Variants in BDKRB2 observed in about 807,000 individuals in gnomAD.
BDKRB2 encodes the protein B2 bradykinin receptor.
BDKRB2 carries 6 observed loss-of-function variants against 4.0 expected under a neutral mutation model. The observed-to-expected ratio is 1.49, with a 90% CI of 0.81 to 2.93. The LOEUF (loss-of-function observed/expected upper bound fraction) is 2.93. Among genes scored for constraint, BDKRB2 ranks in the 30% most tolerant of loss-of-function variants. BDKRB2 has a pLI of 0.00. For missense variants in BDKRB2, 478 were observed against 520.1 expected (o/e 0.92, Z 0.79); for synonymous variants, 225 against 215.3 (o/e 1.05, Z -0.40).
chr14:96,206,921 A>G (rs1890196261), intron 1 of BDKRB2, among the ~76,000 whole-genome samples: 1 of 152,052 alleles, frequency 6.6e-6, no homozygotes, highest in Non-Finnish European at 1.5e-5. Context: ...TCTGGTGAGG[A>G]CCTAGTCGTC....
intron 1 of BDKRB2, among the ~76,000 whole-genome samples, chr14:96,236,868 T>C (rs1024772899): frequency 7.2e-5 from 11 of 152,192 alleles, no homozygotes; most frequent in African/African-American, 2.7e-4. Context: ...AGTTATTAAG[T>C]GACTGAGCAA....
In BDKRB2 at chr14:96,243,344, G is replaced by A; in HGVS notation, c.*1840G>A. 6.8e-6 allele frequency: 1 copy of A among 147,852 alleles called. No individual in the cohort carries two copies. The highest frequency in any genetic ancestry group is 1.5e-5 in the Non-Finnish European group (1 of 67,196). 9.2% of individuals were successfully genotyped at this position (147,852 alleles called of 1,614,324 possible). On this transcript the variant is annotated 3_prime_UTR_variant, in exon 3 of 3. Coordinates refer to ENST00000554311, the MANE Select transcript of BDKRB2 (RefSeq NM_001379692.1). ...TAGAACCTAGAAGGGCTAGAACCTGGAGGGCTGGAATCTGGAGAGCTAGAA... is the reference window on the plus strand; with the variant it reads ...TAGAACCTAGAAGGGCTAGAACCTGAAGGGCTGGAATCTGGAGAGCTAGAA...
At chr14:96,208,686 A>G (rs958394598) in intron 1 of BDKRB2, among the ~76,000 whole-genome samples, 3 of 152,198 alleles carry the variant, frequency 2.0e-5, no homozygotes, top group Non-Finnish European at 4.4e-5. Context: ...AAGGGTGTCC[A>G]GAAAAAAGCC....
Position 96,241,019 on chromosome 14 carries a change from G to C in BDKRB2, c.691G>C (p.Val231Leu). The C allele has an allele frequency of 3.1e-6, 5 of 1,607,296 alleles. No homozygotes were observed. The highest frequency in any genetic ancestry group is 3.4e-6 in the Non-Finnish European group (4 of 1,174,766). The change falls in exon 3 of 3, where the codon GTG (valine) becomes CTG (leucine). Residue 231 changes from valine to leucine, a missense_variant. Physicochemically the swap from Val to Leu is conservative, Grantham distance 32. Coordinates refer to ENST00000554311, the MANE Select transcript of BDKRB2 (RefSeq NM_001379692.1). ...GTTCACCAACATGCTCCTGAATGTC[G>C]TGGGCTTCCTGCTGCCCCTGAGTGT... ...EVFTNMLLNV[V>L]GFLLPLSVIT...
rs8009853 is a variant in BDKRB2, at chr14:96,207,781, A to C, written c.-40+2822A>C. Among the ~76,000 whole-genome samples the C allele has an allele frequency of 9.2e-5, 14 of 152,302 alleles. No individual in the cohort carries two copies. In the South Asian group the frequency reaches 2.5e-3, roughly 27 times the overall value. ...AATCTAAAACTGCTCTTTAAAAAAA[A>C]AAAGGCACACAGAGCAGATCTGCAT... On this transcript the variant is annotated intron_variant, in intron 1 of 2. Coordinates refer to ENST00000554311, the MANE Select transcript of BDKRB2 (RefSeq NM_001379692.1).
chr14:96,229,894 C>T (rs886615180), intron 1 of BDKRB2, among the ~76,000 whole-genome samples: 31 of 151,854 alleles, frequency 2.0e-4, no homozygotes, highest in African/African-American at 6.5e-4. Context: ...TTTGGGAGGC[C>T]GAGGCAGGTG....
At chr14:96,236,193 G>C (rs11622490) in intron 1 of BDKRB2, among the ~76,000 whole-genome samples, 4,740 of 152,204 alleles carry the variant, frequency 0.031, 144 homozygotes, top group East Asian at 0.13. Flanking sequence ...GTAACCAGCC[G>C]GAGGGACTGG....
At chr14:96,235,496 G>A (rs1395232865) in intron 1 of BDKRB2, among the ~76,000 whole-genome samples, 1 of 152,186 alleles carries the variant, frequency 6.6e-6, no homozygotes, top group Non-Finnish European at 1.5e-5. Flanking sequence ...CTGCCTTGAA[G>A]GATCAGAAGG....
intron 1 of BDKRB2, among the ~76,000 whole-genome samples, chr14:96,212,922 T>G (rs145321549): frequency 6.6e-6 from 1 of 152,002 alleles, no homozygotes; most frequent in Non-Finnish European, 1.5e-5. Context: ...CTGCTTCATA[T>G]GCTTTATAGG....
chr14:96,223,122 A>T (rs2139780226), intron 1 of BDKRB2: 1 of 1,284,808 alleles, frequency 7.8e-7, no homozygotes, highest in East Asian at 2.3e-5. Context: ...CACACAAACA[A>T]ATTCACTATT....
intron 1 of BDKRB2, among the ~76,000 whole-genome samples, chr14:96,224,351 C>T (rs1280848591): frequency 6.6e-6 from 1 of 152,226 alleles, no homozygotes; most frequent in Non-Finnish European, 1.5e-5. Flanking sequence ...GTTCAAATCT[C>T]AACTCTAGTC....
chr14:96,241,858 G>T lies in BDKRB2; in HGVS notation c.*354G>T. The T allele has an allele frequency of 1.0e-5, 2 of 200,536 alleles. No individual in the cohort carries two copies. Among genetic ancestry groups the T allele is most frequent in the Non-Finnish European group, 1.0e-5 (1 of 99,182 alleles). 12.4% of individuals were successfully genotyped at this position (200,536 alleles called of 1,614,324 possible). A position where few individuals can be genotyped will look rare whatever the true frequency, so the allele number is the denominator to read the frequency against. ...CCGTGTGTTCTCCGTCCCTGCCCCA[G>T]CAAGACAACTTAGATCTCCAGGAGA... On this transcript the variant is annotated 3_prime_UTR_variant, in exon 3 of 3. Coordinates refer to ENST00000554311, the MANE Select transcript of BDKRB2 (RefSeq NM_001379692.1).
intron 1 of BDKRB2, among the ~76,000 whole-genome samples, chr14:96,229,987 A>T (rs1008775585): frequency 1.3e-5 from 2 of 151,112 alleles, no homozygotes; most frequent in Non-Finnish European, 3.0e-5. Flanking sequence ...AAAAAAAATT[A>T]GCCAGGTGTG....
rs1373939297 is a variant in BDKRB2, at chr14:96,243,793, A to G, written c.*2289A>G. The stretch of plus-strand genomic sequence containing the variant: ...ACAGGTGAAAGAAGAAGTAAAAACC[A>G]TTTAGTATTAGTATTAGAATGAAGT... On this transcript the variant is annotated 3_prime_UTR_variant, in exon 3 of 3. Transcript: ENST00000554311. 2 of 174,342 alleles carry G rather than the reference A, an allele frequency of 1.1e-5. No individual in the cohort carries two copies. Among genetic ancestry groups the G allele is most frequent in the Non-Finnish European group, 2.4e-5 (2 of 83,354 alleles). The allele number at this position is 174,342 out of a possible 1,614,324, so 10.8% of individuals were successfully genotyped here. A position where few individuals can be genotyped will look rare whatever the true frequency, so the allele number is the denominator to read the frequency against.
chr14:96,220,376 C>G (rs536491613), intron 1 of BDKRB2, among the ~76,000 whole-genome samples: 3 of 152,220 alleles, frequency 2.0e-5, no homozygotes, highest in African/African-American at 4.8e-5. Context: ...AGGAGGTTTC[C>G]TAGGCACGAG....
rs780703098 is a variant in BDKRB2, at chr14:96,240,934, C to T, written c.606C>T (p.Ser202=). 14 of 1,593,862 alleles carry T rather than the reference C, an allele frequency of 8.8e-6. No homozygotes were observed. The highest frequency in any genetic ancestry group is 1.2e-5 in the Non-Finnish European group (14 of 1,169,880). ...MLVFRTMKEY[S]DEGHNVTACV... is the part of the protein sequence containing the mutation. ...TGTTCCGGACCATGAAGGAGTACAG[C>T]GATGAGGGCCACAACGTCACCGCTT... The change falls in exon 3 of 3, where the codon AGC becomes AGT. Residue 202 remains serine (S), a synonymous_variant. Transcript: ENST00000554311.
At chr14:96,238,947 A>G in intron 2 of BDKRB2, 1 of 985,336 alleles carries the variant, frequency 1.0e-6, no homozygotes, top group Non-Finnish European at 1.2e-6. Flanking sequence ...GCAGACGCTC[A>G]AAAAACATTT....
intron 1 of BDKRB2, among the ~76,000 whole-genome samples, chr14:96,236,819 C>A (rs1473725978): frequency 2.0e-5 from 3 of 152,182 alleles, no homozygotes; most frequent in African/African-American, 7.2e-5. Flanking sequence ...TCTCACAGGA[C>A]CTTTTGCTTG....
intron 2 of BDKRB2, 26 bp downstream of exon 2, chr14:96,237,207 A>T (rs1013492739): frequency 3.1e-6 from 5 of 1,596,082 alleles, no homozygotes; most frequent in Non-Finnish European, 3.4e-6. Context: ...TCCTCAGTTC[A>T]CTAGTTAGGG....
Sources: allele counts gnomAD v4.1 joint callset (sites outside exome capture counted in the v4.1 genomes callset), GRCh38; gene constraint gnomAD v4.1.1; transcripts MANE v1.5; gene names NCBI Gene and HGNC (gene_info 2026-07-23, HGNC 2026-07-21).